The following KIAA1958 variants were observed in gnomAD, a reference collection of about 807,000 sequenced individuals.
The protein encoded by KIAA1958 is uncharacterized protein KIAA1958.
In KIAA1958, 14 loss-of-function variants were observed where a neutral mutation model predicts 47.2. The ratio of observed to expected loss-of-function variants is 0.30; its 90% CI spans 0.20 to 0.46. The LOEUF is 0.46. Ranked by LOEUF, KIAA1958 falls within the 20% of genes least tolerant of loss-of-function variation. The probability of loss-of-function intolerance (pLI) is 1.00; values close to 1 mark genes in which losing one functional copy is unlikely to be tolerated. For synonymous variants in KIAA1958, 354 were observed against 353.3 expected (o/e 1.00, Z -0.02); for missense variants, 803 against 909.2 (o/e 0.88, Z 1.50).
At chr9:112,582,238 A>G (rs1239391926) in intron 2 of KIAA1958, among the ~76,000 whole-genome samples, 1 of 152,262 alleles carries the variant, frequency 6.6e-6, no homozygotes, top group African/African-American at 2.4e-5. Context: ...CTAGAGAAGT[A>G]TAATTGGATT....
chr9:112,635,786 T>C (rs2131234272), intron 2 of KIAA1958, among the ~76,000 whole-genome samples: 1 of 152,252 alleles, frequency 6.6e-6, no homozygotes, highest in Admixed American at 6.5e-5. Flanking sequence ...TTCTTCTTGC[T>C]AGTTTATTAG....
chr9:112,635,204 ATTCT>A (rs1836782082), intron 2 of KIAA1958, among the ~76,000 whole-genome samples: 1 of 135,874 alleles, frequency 7.4e-6, no homozygotes, highest in South Asian at 2.3e-4. Flanking sequence ...TTATTTTGAG[ATTCT>A]TTATTTTGTG....
At position 112,574,783 on chromosome 9, in the gene KIAA1958, A is replaced by G. The variant is rs750789764; in HGVS notation, c.703A>G (p.Lys235Glu). ...GPALSLTQMA[K>E]PKPQTHAGPS... ...AGCCCTGTCCTTGACACAGATGGCA[A>G]AACCCAAGCCTCAGACTCACGCTGG... The change falls in exon 2 of 4, where the codon AAA becomes GAA. Residue 235 changes from lysine to glutamate, a missense_variant. Physicochemically the swap from Lys to Glu is moderately conservative, Grantham distance 56. Transcript: ENST00000337530. 2.5e-6 allele frequency: 4 copies of G among 1,614,088 alleles called. No homozygotes were observed. Among genetic ancestry groups the G allele is most frequent in the South Asian group, 1.1e-5 (1 of 91,060 alleles).
intron 2 of KIAA1958, among the ~76,000 whole-genome samples, chr9:112,623,650 C>T (rs1836549203): frequency 6.6e-6 from 1 of 152,198 alleles, no homozygotes; most frequent in Admixed American, 6.5e-5. Context: ...TGGTTACCAG[C>T]AGAGAGCAGA....
chr9:112,553,366 G>C (rs1466488950), intron 1 of KIAA1958, among the ~76,000 whole-genome samples: 6 of 151,944 alleles, frequency 3.9e-5, no homozygotes, highest in Non-Finnish European at 8.8e-5. Context: ...GTAGAGATGA[G>C]GTTTTGCTGT....
At chr9:112,619,358 A>G (rs181103207) in intron 2 of KIAA1958, 10 of 152,326 alleles carry the variant, frequency 6.6e-5, no homozygotes, top group East Asian at 3.9e-4. Context: ...TTAAAATTCT[A>G]TATTAATCAA....
chr9:112,523,666 G>T (rs901100028), intron 1 of KIAA1958, among the ~76,000 whole-genome samples: 1 of 152,058 alleles, frequency 6.6e-6, no homozygotes, highest in Non-Finnish European at 1.5e-5. Context: ...ACACTGTTTC[G>T]ATGGGGAGTT....
intron 1 of KIAA1958, among the ~76,000 whole-genome samples, chr9:112,512,347 A>C (rs906369309): frequency 4.6e-5 from 7 of 152,232 alleles, no homozygotes; most frequent in Non-Finnish European, 8.8e-5. Context: ...TTAACATTCA[A>C]AACTCAGGAA....
rs1836268573 is a variant in KIAA1958, at chr9:112,608,157, C to A, written c.1171+32906C>A. ...TTAAAAACATTATTTTAAATTATTTCTAAATATTTATGGTAATTATTTTAA... is the reference window on the plus strand; with the variant it reads ...TTAAAAACATTATTTTAAATTATTTATAAATATTTATGGTAATTATTTTAA... On this transcript the variant is annotated intron_variant, in intron 2 of 3. Transcript: ENST00000337530. 2.0e-5 allele frequency among the ~76,000 whole-genome samples: 3 copies of A among 151,964 alleles called. No individual in the cohort carries two copies. The South Asian group carries it at 6.2e-4, about 32-fold the overall frequency.
At chr9:112,506,362 A>G (rs562700912) in intron 1 of KIAA1958, among the ~76,000 whole-genome samples, 83 of 152,222 alleles carry the variant, frequency 5.5e-4, no homozygotes, top group Non-Finnish European at 9.8e-4. Flanking sequence ...AGGCTGAGAC[A>G]GGAGAATGGC....
chr9:112,576,147 C>T (rs377609372), intron 2 of KIAA1958, among the ~76,000 whole-genome samples: 12 of 152,238 alleles, frequency 7.9e-5, no homozygotes, highest in African/African-American at 2.2e-4. Context: ...CATCCTGAAA[C>T]GTCCTTGGAT....
At chr9:112,633,131 C>G (rs1017158641) in intron 2 of KIAA1958, among the ~76,000 whole-genome samples, 1 of 151,394 alleles carries the variant, frequency 6.6e-6, no homozygotes, top group Non-Finnish European at 1.5e-5. Context: ...TAGCAATGAT[C>G]TATTTGTCTA....
At chr9:112,530,213 C>G (rs557646960) in intron 1 of KIAA1958, among the ~76,000 whole-genome samples, 1 of 152,164 alleles carries the variant, frequency 6.6e-6, no homozygotes, top group Non-Finnish European at 1.5e-5. Flanking sequence ...GTGGTCTGTT[C>G]TCTCCCATTT....
chr9:112,576,546 G>T (rs1450024601), intron 2 of KIAA1958, among the ~76,000 whole-genome samples: 3 of 151,960 alleles, frequency 2.0e-5, no homozygotes, highest in Non-Finnish European at 2.9e-5. Context: ...CTGCTAATCT[G>T]CTTTCTGTCT....
At position 112,618,274 on chromosome 9, in the gene KIAA1958, G is replaced by A; in HGVS notation, c.1172-27376G>A. The A allele has an allele frequency of 6.4e-7, 1 of 1,550,932 alleles. No homozygotes were observed. On this transcript the variant is annotated intron_variant, in intron 2 of 3. Coordinates refer to ENST00000337530, the MANE Select transcript of KIAA1958 (RefSeq NM_133465.4). This position sits in a 1 kb window ranked among gnomAD's most constrained non-coding sequence, Gnocchi z 7.1. Reference sequence around the variant, plus strand: ...CCATGAAGCTCACCTTTGCTGACGAGCTCATCCTGCGGAAAAGGGGACTGC... The same window carrying A: ...CCATGAAGCTCACCTTTGCTGACGAACTCATCCTGCGGAAAAGGGGACTGC...
intron 2 of KIAA1958, among the ~76,000 whole-genome samples, chr9:112,604,194 A>G (rs1836185425): frequency 6.6e-6 from 1 of 152,218 alleles, no homozygotes; most frequent in Non-Finnish European, 1.5e-5. Context: ...TTTCCATGCC[A>G]TCTTCTAACA....
At chr9:112,503,861 T>A (rs1179578967) in intron 1 of KIAA1958, among the ~76,000 whole-genome samples, 2 of 151,870 alleles carry the variant, frequency 1.3e-5, no homozygotes, top group African/African-American at 4.8e-5. Context: ...AAGCTATGCA[T>A]AAGGAAAAGA....
At chr9:112,538,672 A>C (rs1019248083) in intron 1 of KIAA1958, among the ~76,000 whole-genome samples, 1 of 152,192 alleles carries the variant, frequency 6.6e-6, no homozygotes, top group South Asian at 2.1e-4. Flanking sequence ...AACTATTAGT[A>C]ATATAAGGTG....
At chr9:112,536,655 T>C (rs1432906345) in intron 1 of KIAA1958, among the ~76,000 whole-genome samples, 1 of 152,126 alleles carries the variant, frequency 6.6e-6, no homozygotes, top group East Asian at 1.9e-4. Context: ...TGGTGGTGCA[T>C]GTCTGTAGTC....
Sources: allele counts gnomAD v4.1 joint callset (sites outside exome capture counted in the v4.1 genomes callset), GRCh38; gene constraint gnomAD v4.1.1; non-coding constraint Gnocchi (gnomAD v3.1); transcripts MANE v1.5; gene names NCBI Gene and HGNC (gene_info 2026-07-23, HGNC 2026-07-21).